Variants in RMP64 observed in about 807,000 individuals in gnomAD.
RMP64 encodes nucleolus and neural progenitor protein.
chr3:113,008,647 C>A, the RMP64 span: 6 of 375,616 alleles, frequency 1.6e-5, no homozygotes, highest in Non-Finnish European at 2.9e-5. Context: ...CTGCTACGTA[C>A]CCACAAAACC....
the RMP64 span, among the ~76,000 whole-genome samples, chr3:113,009,043 T>C: frequency 1.3e-5 from 2 of 152,170 alleles, no homozygotes; most frequent in Non-Finnish European, 2.9e-5. Context: ...ACAGGGAAGA[T>C]ATGGGGCCCT....
At chr3:113,017,417 A>G in the RMP64 span, 1 of 1,584,160 alleles carries the variant, frequency 6.3e-7, no homozygotes, top group East Asian at 2.3e-5. Flanking sequence ...TCAAGTGAAC[A>G]GGTTGGGTCT....
chr3:113,018,667 T>G, the RMP64 span, among the ~76,000 whole-genome samples: 74 of 152,300 alleles, frequency 4.9e-4, no homozygotes, highest in African/African-American at 1.6e-3. Flanking sequence ...CTGTATTCTC[T>G]CCCTTGGGCC....
At chr3:113,011,641 A>T in the RMP64 span, 1 of 338,116 alleles carries the variant, frequency 3.0e-6, no homozygotes, top group Non-Finnish European at 5.4e-6. Context: ...AGATATATAT[A>T]TATTCAAAAA....
At chr3:113,019,213 G>A in the RMP64 span, 1 of 343,744 alleles carries the variant, frequency 2.9e-6, no homozygotes. Context: ...AGACCCGGGT[G>A]AGCAAGGGTT....
chr3:113,011,243 T>A, the RMP64 span: 2 of 1,613,252 alleles, frequency 1.2e-6, no homozygotes, highest in Non-Finnish European at 1.7e-6. Context: ...ATTTTTTTCT[T>A]AAAGGCTTCA....
At chr3:113,008,373 A>T in the RMP64 span, 1 of 1,613,512 alleles carries the variant, frequency 6.2e-7, no homozygotes, top group South Asian at 1.1e-5. Context: ...ACTTTCTGAG[A>T]AGAATACTTG....
chr3:113,004,055 A>AAGTT, the RMP64 span: 1 of 152,196 alleles, frequency 6.6e-6, no homozygotes, highest in African/African-American at 2.4e-5. Context: ...GGACACTTAG[A>AAGTT]AGTTAATGGC....
At chr3:113,017,373 A>G in the RMP64 span, 9 of 1,192,984 alleles carry the variant, frequency 7.5e-6, no homozygotes, top group Non-Finnish European at 9.5e-6. Flanking sequence ...TTCCATAAAT[A>G]GCAATATAGT....
At chr3:113,012,672 T>C in the RMP64 span, 2 of 937,548 alleles carry the variant, frequency 2.1e-6, no homozygotes, top group Admixed American at 1.9e-5. Flanking sequence ...AAACTACTAA[T>C]AAGAAACCTA....
chr3:113,019,085 G>A, the RMP64 span: 1 of 179,462 alleles, frequency 5.6e-6, no homozygotes, highest in African/African-American at 2.4e-5. Context: ...CAGATAAGCA[G>A]ATAGAGGTCC....
the RMP64 span, chr3:113,009,559 A>T: frequency 1.3e-5 from 2 of 152,194 alleles, no homozygotes; most frequent in African/African-American, 4.8e-5. Flanking sequence ...AGTTCTTGAG[A>T]TACAGTTGAA....
the RMP64 span, chr3:113,008,665 TA>T: frequency 0.061 from 17,164 of 283,470 alleles, no homozygotes; most frequent in East Asian, 0.087. Context: ...ACCTAAAAAT[TA>T]AAAAAAAAAA....
chr3:113,017,088 G>T, the RMP64 span, among the ~76,000 whole-genome samples: 1 of 152,058 alleles, frequency 6.6e-6, no homozygotes, highest in Admixed American at 6.5e-5. Flanking sequence ...TATGCCCAGG[G>T]AACTGTTTCT....
At chr3:113,011,710 G>T in the RMP64 span, among the ~76,000 whole-genome samples, 1 of 152,130 alleles carries the variant, frequency 6.6e-6, no homozygotes, top group Non-Finnish European at 1.5e-5. Flanking sequence ...GTGGTAGATG[G>T]TGAGATTTTA....
chr3:113,013,183 G>T, the RMP64 span: 1 of 1,365,752 alleles, frequency 7.3e-7, no homozygotes, highest in Non-Finnish European at 1.0e-6. Context: ...AACTCCTATG[G>T]AGTGTTAGCT....
the RMP64 span, among the ~76,000 whole-genome samples, chr3:113,006,793 G>T: frequency 6.1e-3 from 921 of 152,164 alleles, 8 homozygotes; most frequent in Non-Finnish European, 8.9e-3. Context: ...GGAGAAGGTG[G>T]GTGTACTTCA....
the RMP64 span, chr3:113,014,021 A>G: frequency 6.2e-7 from 1 of 1,611,320 alleles, no homozygotes; most frequent in South Asian, 1.1e-5. Flanking sequence ...AACGCTTTAA[A>G]CATTGCTCAA....
At chr3:113,017,319 T>C in the RMP64 span, 22 of 691,076 alleles carry the variant, frequency 3.2e-5, no homozygotes, top group South Asian at 4.8e-4. Context: ...CTGTGGGCTA[T>C]AGGCCTATAA....
Sources: allele counts gnomAD v4.1 joint callset (sites outside exome capture counted in the v4.1 genomes callset), GRCh38; gene constraint gnomAD v4.1.1; transcripts MANE v1.5; gene names NCBI Gene and HGNC (gene_info 2026-07-23, HGNC 2026-07-21).